ERICH1: variants seen among roughly 807,000 people sequenced by gnomAD.
ERICH1 encodes glutamate rich 1.
Under a neutral mutation model 39.6 loss-of-function variants are expected in ERICH1, and 56 were observed. The ratio of observed to expected loss-of-function variants is 1.41; its 90% CI spans 1.14 to 1.77. The LOEUF (loss-of-function observed/expected upper bound fraction) is 1.77, where lower values mean the gene tolerates loss of function less well. Among genes scored for constraint, ERICH1 ranks in the 40% most tolerant of loss-of-function variants. The probability of loss-of-function intolerance (pLI) is 0.00; values close to 1 mark genes in which losing one functional copy is unlikely to be tolerated. For synonymous variants in ERICH1, 313 were observed against 223.6 expected (o/e 1.40, Z -3.57); for missense variants, 826 against 575.4 (o/e 1.44, Z -4.45).
At chr8:707,207 T>C (rs1201426527) in intron 2 of ERICH1, among the ~76,000 whole-genome samples, 1 of 109,512 alleles carries the variant, frequency 9.1e-6, no homozygotes, top group East Asian at 3.5e-4. Flanking sequence ...TTTTTTTGTT[T>C]CTTTTTTTTT....
chr8:690,302 C>A (rs1808610571), intron 3 of ERICH1, among the ~76,000 whole-genome samples: 1 of 152,232 alleles, frequency 6.6e-6, no homozygotes, highest in South Asian at 2.1e-4. Flanking sequence ...ACAAGACAGA[C>A]TGAGACAAAC....
chr8:683,099 G>T, intron 3 of ERICH1, among the ~76,000 whole-genome samples: 1 of 152,186 alleles, frequency 6.6e-6, no homozygotes, highest in Non-Finnish European at 1.5e-5. Flanking sequence ...AGGAAACACT[G>T]GAGTCTCACA....
intron 3 of ERICH1, among the ~76,000 whole-genome samples, chr8:638,300 C>T (rs1418431599): frequency 1.3e-5 from 2 of 152,178 alleles, no homozygotes; most frequent in Non-Finnish European, 2.9e-5. Context: ...TCCTGGGGCT[C>T]GATGGGAAGC....
chr8:687,294 A>G (rs1807644901), intron 3 of ERICH1, among the ~76,000 whole-genome samples: 1 of 152,286 alleles, frequency 6.6e-6, no homozygotes. Flanking sequence ...GGAAACACTA[A>G]CACTTGCCTT....
intron 1 of ERICH1, among the ~76,000 whole-genome samples, chr8:726,949 AC>A (rs1818882561): frequency 6.8e-6 from 1 of 147,182 alleles, no homozygotes; most frequent in African/African-American, 2.7e-5. Flanking sequence ...CATACACCAC[AC>A]AGGCACATAC....
chr8:641,054 C>T (rs537169310), intron 3 of ERICH1: 1 of 152,176 alleles, frequency 6.6e-6, no homozygotes, highest in African/African-American at 2.4e-5. Context: ...TAGGAGAATA[C>T]TTGAGTCAGC....
At chr8:726,192 G>C (rs899902965) in intron 1 of ERICH1, among the ~76,000 whole-genome samples, 9 of 152,200 alleles carry the variant, frequency 5.9e-5, no homozygotes, top group Non-Finnish European at 7.3e-5. Context: ...ATCTGAGCCA[G>C]CATCTTCAGC....
At chr8:697,140 C>T (rs1031642601) in intron 2 of ERICH1, among the ~76,000 whole-genome samples, 3 of 152,202 alleles carry the variant, frequency 2.0e-5, no homozygotes, top group African/African-American at 7.2e-5. Flanking sequence ...ATTCTTCTTT[C>T]CTCTGTCTTT....
At chr8:708,685 T>TTTTTTTG (rs1813939601) in intron 2 of ERICH1, among the ~76,000 whole-genome samples, 15 of 47,156 alleles carry the variant, frequency 3.2e-4, no homozygotes, top group Non-Finnish European at 5.5e-4. Flanking sequence ...TAATGAGTTT[T>TTTTTTTG]TTTTTTTTTT....
intron 1 of ERICH1, among the ~76,000 whole-genome samples, chr8:721,057 A>T (rs1329160568): frequency 6.6e-6 from 1 of 152,236 alleles, no homozygotes; most frequent in Non-Finnish European, 1.5e-5. Context: ...TCCTGTAAAC[A>T]GGCACAAAAA....
chr8:693,667 A>G (rs1158591852), intron 2 of ERICH1, among the ~76,000 whole-genome samples: 5 of 142,754 alleles, frequency 3.5e-5, no homozygotes, highest in Non-Finnish European at 8.0e-5. Flanking sequence ...GGTGGCTGGA[A>G]CCTCCCTGCT....
At chr8:725,233 C>T (rs2132451106) in intron 1 of ERICH1, 1 of 180,954 alleles carries the variant, frequency 5.5e-6, no homozygotes, top group South Asian at 8.7e-5. Flanking sequence ...CTCCGGCTTC[C>T]TGTCTGCTCT....
At chr8:638,386 T>A (rs543249262) in intron 3 of ERICH1, among the ~76,000 whole-genome samples, 1 of 152,280 alleles carries the variant, frequency 6.6e-6, no homozygotes, top group South Asian at 2.1e-4. Context: ...AGAGGAGGCC[T>A]GCTTGAGATA....
At chr8:706,353 G>T (rs977267427) in intron 2 of ERICH1, among the ~76,000 whole-genome samples, 1 of 151,958 alleles carries the variant, frequency 6.6e-6, no homozygotes, top group Non-Finnish European at 1.5e-5. Flanking sequence ...ATTCCCAAAA[G>T]AAAACAAACA....
intron 2 of ERICH1, among the ~76,000 whole-genome samples, chr8:706,842 A>G (rs1053795409): frequency 2.6e-5 from 4 of 152,236 alleles, no homozygotes; most frequent in Admixed American, 6.5e-5. Flanking sequence ...AAGAAATTAA[A>G]AAGAACTTAA....
intron 2 of ERICH1, 108 bp downstream of exon 2, chr8:715,753 C>T: frequency 2.0e-6 from 3 of 1,468,332 alleles, no homozygotes; most frequent in Non-Finnish European, 2.8e-6. Context: ...CTCTGCAGAC[C>T]TGCAGACAGA....
At position 645,624 on chromosome 8, in the gene ERICH1, T is replaced by A. The variant is rs1462232964; in HGVS notation, c.976+22974A>T. Among the ~76,000 whole-genome samples the A allele has an allele frequency of 2.9e-5, 2 of 67,872 alleles. 1 individual carries two copies. Among genetic ancestry groups the A allele is most frequent in the Middle Eastern group, 0.017 (2 of 118 alleles). 44.5% of individuals were successfully genotyped at this position (67,872 alleles called of 152,430 possible). ...GGCTGACCATGCTGTCAGGAAGGCC[T>A]CCGTGGTATCAGGGAGGCGACCGTG... On this transcript the variant is annotated intron_variant, in intron 3 of 3. Transcript: ENST00000522706.
intron 2 of ERICH1, among the ~76,000 whole-genome samples, chr8:703,186 C>A (rs1395782342): frequency 6.6e-6 from 1 of 152,148 alleles, no homozygotes; most frequent in Admixed American, 6.5e-5. Context: ...GCCAAATGCA[C>A]AGAAATGAAC....
At chr8:727,182 G>C (rs1818964928) in intron 1 of ERICH1, among the ~76,000 whole-genome samples, 1 of 151,938 alleles carries the variant, frequency 6.6e-6, no homozygotes, top group African/African-American at 2.4e-5. Flanking sequence ...CCAGACACGT[G>C]TGCACAAAGG....
Sources: allele counts gnomAD v4.1 joint callset (sites outside exome capture counted in the v4.1 genomes callset), GRCh38; gene constraint gnomAD v4.1.1; transcripts MANE v1.5; gene names NCBI Gene and HGNC (gene_info 2026-07-23, HGNC 2026-07-21).